Variants in RBPJ observed in about 807,000 individuals in gnomAD.
The protein encoded by RBPJ is recombining binding protein suppressor of hairless.
A neutral mutation model predicts 67.8 loss-of-function variants in RBPJ; 9 were observed. The ratio of observed to expected loss-of-function variants is 0.13; its 90% CI spans 0.08 to 0.23. The LOEUF (loss-of-function observed/expected upper bound fraction) is 0.23. Ranked by LOEUF, RBPJ falls within the 10% of genes least tolerant of loss-of-function variation. The probability of loss-of-function intolerance (pLI) is 1.00; values close to 1 mark genes in which losing one functional copy is unlikely to be tolerated. For missense variants in RBPJ, 305 were observed against 595.6 expected (o/e 0.51, Z 5.08); for synonymous variants, 198 against 203.3 (o/e 0.97, Z 0.22).
the RBPJ span, among the ~76,000 whole-genome samples, chr4:26,116,582 G>GT: frequency 6.6e-6 from 1 of 152,214 alleles, no homozygotes; most frequent in East Asian, 1.9e-4. Context: ...GACATGCCAT[G>GT]TTTTTCCTCT....
chr4:26,368,586 C>T (rs568229689), intron 1 of RBPJ, among the ~76,000 whole-genome samples: 37 of 152,160 alleles, frequency 2.4e-4, no homozygotes, highest in South Asian at 1.0e-3. Flanking sequence ...TAAATTTCTC[C>T]GCCTAGAGTG....
chr4:26,420,485 G>T, intron 4 of RBPJ, 66 bp from the exon 5 acceptor site: 1 of 1,093,592 alleles, frequency 9.1e-7, no homozygotes, highest in Non-Finnish European at 1.3e-6. Context: ...TGGCCATTCT[G>T]AGTTTTAGGT....
At position 26,253,408 on chromosome 4, in the gene RBPJ, T is replaced by C. The variant is rs944758354; in HGVS notation, c.-167+89794T>C. Among the ~76,000 whole-genome samples, 12 of 143,550 alleles carry C rather than the reference T, an allele frequency of 8.4e-5. 1 individual carries two copies. The highest frequency in any genetic ancestry group is 3.3e-4 in the African/African-American group (12 of 35,892). The allele number at this position is 143,550 out of a possible 152,430, so 94.2% of individuals were successfully genotyped here. On this transcript the variant is annotated intron_variant, in intron 1 of 4. Transcript: ENST00000512351. ...CTCACTGCAAGCTCCGCCTTCCGGG[T>C]TCACGCCATTCTCCTAGCTCAGCCT...
Position 26,430,352 on chromosome 4 carries a change from T to G in RBPJ, c.1045-67T>G. The stretch of plus-strand genomic sequence containing the variant: ...AAAACAAATGAAAGTTGAATGAGAA[T>G]CTAATTTGTGTACTTTAATGAAAAA... On this transcript the variant is annotated intron_variant, in intron 9 of 10. Transcript: ENST00000355476. The surrounding 1 kb of genome is among the most constrained non-coding windows in gnomAD (Gnocchi z 4.1). 2 of 1,286,684 alleles carry G rather than the reference T, an allele frequency of 1.6e-6. No individual in the cohort carries two copies. The highest frequency in any genetic ancestry group is 2.2e-6 in the Non-Finnish European group (2 of 896,038). 79.7% of individuals were successfully genotyped at this position (1,286,684 alleles called of 1,614,324 possible).
intron 1 of RBPJ, among the ~76,000 whole-genome samples, chr4:26,325,885 G>A (rs1723578850): frequency 6.6e-6 from 1 of 152,114 alleles, no homozygotes; most frequent in Non-Finnish European, 1.5e-5. Context: ...GACTACAGTT[G>A]GTGCCTGGCT....
At chr4:26,319,183 G>A (rs529562486), upstream of RBPJ, among the ~76,000 whole-genome samples, 199 of 152,166 alleles carry the variant, frequency 1.3e-3, no homozygotes, top group Admixed American at 2.4e-3. Context: ...CACGTTTTAG[G>A]AAAGTACCAG....
chr4:26,379,616 A>T (rs918700556), intron 1 of RBPJ, among the ~76,000 whole-genome samples: 3 of 152,124 alleles, frequency 2.0e-5, no homozygotes, highest in Non-Finnish European at 2.9e-5. Flanking sequence ...GCATGGGGGA[A>T]ACCTCCTCCA....
the RBPJ span, among the ~76,000 whole-genome samples, chr4:26,131,703 A>G: frequency 6.6e-6 from 1 of 152,220 alleles, no homozygotes; most frequent in African/African-American, 2.4e-5. Flanking sequence ...AGACAGAGGG[A>G]GATTTGATCA....
chr4:26,215,198 AAG>A lies in RBPJ; in HGVS notation c.-167+51592_-167+51593del, dbSNP rs1166696495. On this transcript the variant is annotated intron_variant, in intron 1 of 4. Transcript: ENST00000512351. ...AGGAGGAAGGAAGGAAGGAAGGAAAAAGAGAGAGAAAGAAAGAGAAAAAGAGA... is the reference window on the plus strand; with the variant it reads ...AGGAGGAAGGAAGGAAGGAAGGAAAAAGAGAGAAAGAAAGAGAAAAAGAGA... Among the ~76,000 whole-genome samples the A allele has an allele frequency of 1.4e-4, 5 of 35,678 alleles. 1 individual carries two copies. Among genetic ancestry groups the A allele is most frequent in the African/African-American group, 7.1e-4 (4 of 5,668 alleles). The allele number at this position is 35,678 out of a possible 152,430, so 23.4% of individuals were successfully genotyped here.
chr4:26,320,809 C>A, upstream of RBPJ: 1 of 1,557,580 alleles, frequency 6.4e-7, no homozygotes, highest in Non-Finnish European at 8.7e-7. Context: ...CATGCTCCAT[C>A]GCCTGGGTAG....
At chr4:26,147,737 A>G in the RBPJ span, among the ~76,000 whole-genome samples, 2 of 152,150 alleles carry the variant, frequency 1.3e-5, no homozygotes, top group Non-Finnish European at 2.9e-5. Flanking sequence ...TCCAAGAAAA[A>G]CTTTTTAAAA....
At position 26,313,671 on chromosome 4, in the gene RBPJ, TAAA is replaced by T. The variant is rs752022285; in HGVS notation, c.-166-48762_-166-48760del. On this transcript the variant is annotated intron_variant, in intron 1 of 4. Transcript: ENST00000512351. Reference sequence around the variant, plus strand: ...GGTGACAGAGTAAAACTCCGTCTCTTAAAAAAAAAAAAAAATTAGCAGGGCATG... The same window carrying T: ...GGTGACAGAGTAAAACTCCGTCTCTTAAAAAAAAAAAATTAGCAGGGCATG... Among the ~76,000 whole-genome samples, 4 of 137,632 alleles carry T rather than the reference TAAA, an allele frequency of 2.9e-5. No homozygotes were observed. In the Admixed American group the frequency reaches 2.9e-4, roughly 10 times the overall value. 90.3% of individuals were successfully genotyped at this position (137,632 alleles called of 152,430 possible). A position where few individuals can be genotyped will look rare whatever the true frequency, so the allele number is the denominator to read the frequency against.
chr4:26,259,111 T>G (rs1720446616), intron 1 of RBPJ, among the ~76,000 whole-genome samples: 2 of 152,096 alleles, frequency 1.3e-5, no homozygotes, highest in Non-Finnish European at 2.9e-5. Context: ...CTAAACATTT[T>G]TTTAAGATTA....
chr4:26,374,838 G>T (rs759626059), intron 1 of RBPJ, among the ~76,000 whole-genome samples: 1 of 152,104 alleles, frequency 6.6e-6, no homozygotes. Flanking sequence ...TGCAGAGTAC[G>T]TGGAAAATCA....
chr4:26,197,236 C>A (rs932401919), intron 1 of RBPJ, among the ~76,000 whole-genome samples: 6 of 152,126 alleles, frequency 3.9e-5, no homozygotes, highest in African/African-American at 1.4e-4. Flanking sequence ...ATGATAAGAT[C>A]TACTCAGCAC....
chr4:26,402,179 C>T (rs534966687), intron 2 of RBPJ, among the ~76,000 whole-genome samples: 40 of 152,274 alleles, frequency 2.6e-4, no homozygotes, highest in African/African-American at 8.9e-4. Flanking sequence ...TGTGCCACTG[C>T]GCCCAGCCTG....
chr4:26,203,296 G>T (rs1718053569), intron 1 of RBPJ, among the ~76,000 whole-genome samples: 1 of 152,130 alleles, frequency 6.6e-6, no homozygotes, highest in African/African-American at 2.4e-5. Flanking sequence ...ACATGGCATG[G>T]CTCTCTCTTT....
intron 1 of RBPJ, among the ~76,000 whole-genome samples, chr4:26,170,447 G>A (rs1716528441): frequency 2.0e-5 from 3 of 151,852 alleles, no homozygotes; most frequent in Admixed American, 6.6e-5. Flanking sequence ...AGGCTGGGGT[G>A]GAAGGATCAC....
chr4:26,367,439 C>T (rs565962430), intron 1 of RBPJ, among the ~76,000 whole-genome samples: 4 of 152,288 alleles, frequency 2.6e-5, no homozygotes, highest in Admixed American at 1.3e-4. Flanking sequence ...CACTACACTC[C>T]AGCCTGGGCA....
Sources: gnomAD v4.1 joint callset for allele counts (sites outside exome capture counted in the v4.1 genomes callset) on GRCh38, gnomAD v4.1.1 for gene constraint, Gnocchi (gnomAD v3.1) non-coding constraint, MANE v1.5 for transcripts, NCBI Gene and HGNC (gene_info 2026-07-23, HGNC 2026-07-21) for gene names.